The following TWSG1 variants were observed in gnomAD, a reference collection of about 807,000 sequenced individuals.
TWSG1 encodes the protein twisted gastrulation BMP signaling modulator 1, also known as twisted gastrulation protein homolog 1.
A neutral mutation model predicts 23.0 loss-of-function variants in TWSG1; 15 were observed. The observed-to-expected ratio is 0.65, with a 90% CI of 0.44 to 1.00. The LOEUF (loss-of-function observed/expected upper bound fraction) is 1.00. Among genes scored for constraint, TWSG1 ranks in the 50% least tolerant of loss-of-function variants. The probability of loss-of-function intolerance (pLI) is 0.00; values close to 1 mark genes in which losing one functional copy is unlikely to be tolerated. For synonymous variants in TWSG1, 86 were observed against 92.8 expected (o/e 0.93, Z 0.42); for missense variants, 242 against 278.7 (o/e 0.87, Z 0.94).
chr18:9,393,284 A>G (rs1004137027), intron 3 of TWSG1, among the ~76,000 whole-genome samples: 2 of 152,252 alleles, frequency 1.3e-5, no homozygotes, highest in African/African-American at 4.8e-5. Flanking sequence ...CTGTTCCAGT[A>G]ACTATTGCTA....
chr18:9,371,782 T>A (rs890636458), intron 3 of TWSG1, among the ~76,000 whole-genome samples: 74 of 150,356 alleles, frequency 4.9e-4, no homozygotes, highest in Non-Finnish European at 9.8e-4. Context: ...CTTTTTTTTT[T>A]TTTTTTTGAG....
At chr18:9,340,367 CAA>C (rs775837207) in intron 2 of TWSG1, among the ~76,000 whole-genome samples, 58 of 67,096 alleles carry the variant, frequency 8.6e-4, no homozygotes, top group African/African-American at 2.9e-3. Flanking sequence ...GACTCCATTT[CAA>C]AAAAAAAAAA....
At chr18:9,339,985 G>T (rs910233809) in intron 2 of TWSG1, among the ~76,000 whole-genome samples, 3 of 152,190 alleles carry the variant, frequency 2.0e-5, no homozygotes, top group African/African-American at 4.8e-5. Flanking sequence ...ATATTCCGTT[G>T]TAGCTTCAGA....
intron 3 of TWSG1, among the ~76,000 whole-genome samples, chr18:9,382,109 A>G (rs2145625256): frequency 6.6e-6 from 1 of 151,358 alleles, no homozygotes; most frequent in South Asian, 2.1e-4. Flanking sequence ...CATTTACAGA[A>G]AGCACTTACA....
chr18:9,401,346 C>G lies in TWSG1; in HGVS notation c.*1819C>G, dbSNP rs1598838456. On this transcript the variant is annotated 3_prime_UTR_variant, in exon 5 of 5. Coordinates refer to ENST00000262120, the MANE Select transcript of TWSG1 (RefSeq NM_020648.6). Reference sequence around the variant, plus strand: ...TGCAGTCTCCTGCTGCAGTTCAACTCTGCTGTTTTTCAGTCATTTCCTACT... The same window carrying G: ...TGCAGTCTCCTGCTGCAGTTCAACTGTGCTGTTTTTCAGTCATTTCCTACT... 1 of 147,790 alleles carries G rather than the reference C, an allele frequency of 6.8e-6. No homozygotes were observed. Among genetic ancestry groups the G allele is most frequent in the East Asian group, 1.9e-4 (1 of 5,196 alleles). 9.2% of individuals were successfully genotyped at this position (147,790 alleles called of 1,614,324 possible). A position where few individuals can be genotyped will look rare whatever the true frequency, so the allele number is the denominator to read the frequency against.
intron 3 of TWSG1, 98 bp downstream of exon 3, chr18:9,360,169 A>G (rs1207841209): frequency 2.7e-5 from 24 of 893,608 alleles, no homozygotes; most frequent in Non-Finnish European, 4.1e-5. Flanking sequence ...ATGTGCATAA[A>G]CAAGTATGTG....
At chr18:9,343,780 A>G (rs999028691) in intron 2 of TWSG1, among the ~76,000 whole-genome samples, 9 of 152,212 alleles carry the variant, frequency 5.9e-5, no homozygotes, top group African/African-American at 2.2e-4. Context: ...GAATGGGCAT[A>G]CCACATTTTA....
intron 3 of TWSG1, among the ~76,000 whole-genome samples, chr18:9,364,363 T>TA (rs1304676285): frequency 2.0e-5 from 3 of 152,214 alleles, no homozygotes; most frequent in African/African-American, 7.2e-5. Flanking sequence ...GTCCTGCTTT[T>TA]AGTAATGCTA....
chr18:9,336,440 A>G (rs959041184), intron 1 of TWSG1, among the ~76,000 whole-genome samples: 1 of 151,880 alleles, frequency 6.6e-6, no homozygotes, highest in Non-Finnish European at 1.5e-5. Flanking sequence ...AATTACCTAG[A>G]GTTTTTAATG....
At position 9,388,197 on chromosome 18, in the gene TWSG1, A is replaced by G. The variant is rs907367396; in HGVS notation, c.224-8083A>G. 10 of 152,246 alleles carry G rather than the reference A, an allele frequency of 6.6e-5. No homozygotes were observed. The East Asian group carries it at 9.6e-4, about 15-fold the overall frequency. 9.4% of individuals were successfully genotyped at this position (152,246 alleles called of 1,614,324 possible). A position where few individuals can be genotyped will look rare whatever the true frequency, so the allele number is the denominator to read the frequency against. On this transcript the variant is annotated intron_variant, in intron 3 of 4. Transcript: ENST00000262120. ...TATTTCTAGTTATTTGAAGTTAACT[A>G]TAAGAAAATGATTAGATTTAGGTTT... is the stretch of plus-strand genomic sequence containing the variant.
At chr18:9,394,809 T>G (rs2040727529) in intron 3 of TWSG1, among the ~76,000 whole-genome samples, 1 of 152,096 alleles carries the variant, frequency 6.6e-6, no homozygotes, top group Non-Finnish European at 1.5e-5. Flanking sequence ...ATCATTCATG[T>G]TTTTTTGAAT....
At position 9,392,852 on chromosome 18, in the gene TWSG1, A is replaced by G. The variant is rs957159975; in HGVS notation, c.224-3428A>G. Among the ~76,000 whole-genome samples, 13 of 152,266 alleles carry G rather than the reference A, an allele frequency of 8.5e-5. 1 individual carries two copies. The highest frequency in any genetic ancestry group is 2.1e-4 in the South Asian group (1 of 4,830). Reference sequence around the variant, plus strand: ...ACGGTTACTAATTGGTCTTATTTCAATATTGCTGTGTCTCAGGGAAAAGGA... The same window carrying G: ...ACGGTTACTAATTGGTCTTATTTCAGTATTGCTGTGTCTCAGGGAAAAGGA... On this transcript the variant is annotated intron_variant, in intron 3 of 4. Coordinates refer to ENST00000262120, the MANE Select transcript of TWSG1 (RefSeq NM_020648.6).
chr18:9,364,434 C>T (rs139556224), intron 3 of TWSG1, among the ~76,000 whole-genome samples: 1 of 152,290 alleles, frequency 6.6e-6, no homozygotes, highest in Non-Finnish European at 1.5e-5. Context: ...AGGTCCCCAT[C>T]AGCCTTTCAC....
intron 3 of TWSG1, among the ~76,000 whole-genome samples, chr18:9,379,693 T>C (rs907540786): frequency 6.6e-6 from 1 of 151,934 alleles, no homozygotes; most frequent in Non-Finnish European, 1.5e-5. Flanking sequence ...AAAAAATAGA[T>C]CCCAGAGGAA....
At chr18:9,395,330 T>C (rs1343550883) in intron 3 of TWSG1, among the ~76,000 whole-genome samples, 1 of 152,198 alleles carries the variant, frequency 6.6e-6, no homozygotes, top group African/African-American at 2.4e-5. Context: ...AAGTGATTAG[T>C]ATTTTGTGGA....
At chr18:9,371,771 T>C (rs1042511135) in intron 3 of TWSG1, among the ~76,000 whole-genome samples, 4 of 91,094 alleles carry the variant, frequency 4.4e-5, no homozygotes, top group African/African-American at 1.5e-4. Context: ...ACATTTTTAT[T>C]CTTTTTTTTT....
At chr18:9,340,123 C>T (rs1402882868) in intron 2 of TWSG1, among the ~76,000 whole-genome samples, 1 of 152,022 alleles carries the variant, frequency 6.6e-6, no homozygotes, top group African/African-American at 2.4e-5. Flanking sequence ...AATCCCAGCA[C>T]TTCAGAAGGC....
At chr18:9,352,759 T>C (rs558859801) in intron 2 of TWSG1, among the ~76,000 whole-genome samples, 13 of 152,226 alleles carry the variant, frequency 8.5e-5, no homozygotes, top group Non-Finnish European at 1.5e-4. Flanking sequence ...ATTAATAAGA[T>C]TCTTCCTCAA....
chr18:9,356,480 T>C (rs2040527396), intron 2 of TWSG1, among the ~76,000 whole-genome samples: 1 of 152,182 alleles, frequency 6.6e-6, no homozygotes, highest in Non-Finnish European at 1.5e-5. Flanking sequence ...ATGGGAACTA[T>C]TAAATTGACA....
Sources: gnomAD v4.1 joint callset for allele counts (sites outside exome capture counted in the v4.1 genomes callset) on GRCh38, gnomAD v4.1.1 for gene constraint, MANE v1.5 for transcripts, NCBI Gene and HGNC (gene_info 2026-07-23, HGNC 2026-07-21) for gene names.